ARV1: variants seen among roughly 807,000 people sequenced by gnomAD.
The protein encoded by ARV1 is protein ARV1.
A neutral mutation model predicts 31.1 loss-of-function variants in ARV1; 26 were observed. The observed-to-expected ratio is 0.84, with a 90% CI of 0.61 to 1.16. The LOEUF (loss-of-function observed/expected upper bound fraction) is 1.16, where lower values mean the gene tolerates loss of function less well. ARV1 is among the 50% of genes most tolerant of loss of function. ARV1 has a pLI of 0.00. For synonymous variants in ARV1, 117 were observed against 123.2 expected, an observed-to-expected ratio of 0.95 and a Z score of 0.34; for missense variants, 281 against 324.9, an observed-to-expected ratio of 0.86 and a Z score of 1.04.
chr1:230,993,327 C>T (rs994595140), intron 3 of ARV1, among the ~76,000 whole-genome samples: 1 of 152,146 alleles, frequency 6.6e-6, no homozygotes, highest in Non-Finnish European at 1.5e-5. Flanking sequence ...AACTCCTGGG[C>T]TCAAACAGTC....
At chr1:230,995,490 G>A (rs926105837) in intron 3 of ARV1, among the ~76,000 whole-genome samples, 1 of 151,552 alleles carries the variant, frequency 6.6e-6, no homozygotes, top group African/African-American at 2.4e-5. Context: ...GAAAGTTGAT[G>A]ATTACAATTC....
chr1:230,990,039 C>G, intron 2 of ARV1, 71 bp from the exon 3 acceptor site: 2 of 1,461,258 alleles, frequency 1.4e-6, no homozygotes, highest in South Asian at 2.8e-5. Flanking sequence ...GCCACAAATA[C>G]TCTGTACCTG....
At chr1:230,984,440 AG>A (rs1470161054) in intron 1 of ARV1, among the ~76,000 whole-genome samples, 1 of 150,670 alleles carries the variant, frequency 6.6e-6, no homozygotes, top group Non-Finnish European at 1.5e-5. Context: ...GCAGAGGGAA[AG>A]GAAGTTGCAA....
intron 1 of ARV1, among the ~76,000 whole-genome samples, chr1:230,981,657 C>T (rs1194520285): frequency 6.6e-6 from 1 of 152,194 alleles, no homozygotes; most frequent in East Asian, 1.9e-4. Context: ...CACACAGTAG[C>T]CAGGGACTGA....
At chr1:230,990,743 TTTTTTTGTTGA>T (rs771100048) in intron 3 of ARV1, 16 of 200,848 alleles carry the variant, frequency 8.0e-5, no homozygotes, top group Non-Finnish European at 5.4e-5. Flanking sequence ...AATTTTTGTA[TTTTTTTGTTGA>T]GATGGGGGGT....
intron 1 of ARV1, among the ~76,000 whole-genome samples, chr1:230,985,462 A>G (rs1373562111): frequency 6.6e-6 from 1 of 152,248 alleles, no homozygotes; most frequent in African/African-American, 2.4e-5. Context: ...TTCCTGGTCC[A>G]TAAAATGGCC....
chr1:230,997,752 A>G (rs1241332286), intron 5 of ARV1, among the ~76,000 whole-genome samples: 1 of 152,150 alleles, frequency 6.6e-6, no homozygotes, highest in East Asian at 1.9e-4. Flanking sequence ...GTACCTTGAC[A>G]TCCATCAGCC....
intron 1 of ARV1, among the ~76,000 whole-genome samples, chr1:230,983,307 G>A (rs1678963872): frequency 6.6e-6 from 1 of 151,680 alleles, no homozygotes. Flanking sequence ...AGCTACTCGG[G>A]AGGCTGAGGC....
At chr1:230,989,678 A>G (rs1679176337) in intron 2 of ARV1, among the ~76,000 whole-genome samples, 1 of 152,198 alleles carries the variant, frequency 6.6e-6, no homozygotes, top group Non-Finnish European at 1.5e-5. Flanking sequence ...GATTAAGTCT[A>G]TTCTCTTATT....
chr1:231,000,107 G>C (rs937016610), intron 5 of ARV1, 31 bp from the exon 6 acceptor site: 6 of 152,144 alleles, frequency 3.9e-5, no homozygotes, highest in African/African-American at 1.4e-4. Flanking sequence ...GCAGAATGTG[G>C]CATTCTAAAT....
chr1:230,996,170 A>G (rs1468608036), intron 4 of ARV1, among the ~76,000 whole-genome samples, 186 bp downstream of exon 4: 1 of 152,206 alleles, frequency 6.6e-6, no homozygotes, highest in East Asian at 1.9e-4. Context: ...ACATTTAACC[A>G]TATAGTACTT....
intron 1 of ARV1, among the ~76,000 whole-genome samples, chr1:230,987,130 G>A (rs1208848875): frequency 2.6e-5 from 4 of 152,072 alleles, no homozygotes; most frequent in Non-Finnish European, 5.9e-5. Context: ...TGAACCACAA[G>A]CACTGCAGTA....
chr1:230,991,939 A>G (rs546838521), intron 3 of ARV1, among the ~76,000 whole-genome samples: 2 of 151,978 alleles, frequency 1.3e-5, no homozygotes, highest in Non-Finnish European at 2.9e-5. Context: ...CACTTCTACT[A>G]TTATACTACT....
chr1:230,995,857 A>G lies in ARV1; in HGVS notation c.546A>G (p.Ala182=), dbSNP rs1679348508. Residue 182 remains alanine, a synonymous_variant, in exon 4 of 6, where the codon GCA becomes GCG. Coordinates refer to ENST00000310256, the MANE Select transcript of ARV1 (RefSeq NM_022786.3). ...KKPNFILLLK[A]LLLSSYGKLL... ...CCAACTTCATTTTGCTGCTGAAAGC[A>G]TTATTATTATCTAGCTACGGAAAAC... The G allele has an allele frequency of 6.8e-6, 11 of 1,613,988 alleles. No individual in the cohort carries two copies. Among genetic ancestry groups the G allele is most frequent in the Middle Eastern group, 1.6e-4 (1 of 6,084 alleles).
At chr1:230,982,677 T>C (rs918469840) in intron 1 of ARV1, among the ~76,000 whole-genome samples, 1 of 152,224 alleles carries the variant, frequency 6.6e-6, no homozygotes, top group African/African-American at 2.4e-5. Context: ...CTTGTCGCTA[T>C]CATGCTAATG....
chr1:230,979,301 G>A (rs1486138689), intron 1 of ARV1, 22 bp downstream of exon 1: 1 of 1,611,182 alleles, frequency 6.2e-7, no homozygotes, highest in African/African-American at 1.3e-5. Context: ...GGTGTGGGGT[G>A]CCCTTGAGAA....
rs1679187706 is a variant in ARV1 at position 230,990,102 on chromosome 1, A to C, written c.295-8A>C. The C allele has an allele frequency of 1.3e-6, 2 of 1,598,210 alleles. No individual in the cohort carries two copies. Among genetic ancestry groups the C allele is most frequent in the South Asian group, 2.3e-5 (2 of 88,180 alleles). Reference sequence around the variant, plus strand: ...ACCTAATTGAATGGCAATGTCTTTGACTATCAGATCCATGGAAAACTCTGC... The same window carrying C: ...ACCTAATTGAATGGCAATGTCTTTGCCTATCAGATCCATGGAAAACTCTGC... On this transcript the variant is annotated splice_region_variant and splice_polypyrimidine_tract_variant and intron_variant, in intron 2 of 5. Coordinates refer to ENST00000310256, the MANE Select transcript of ARV1 (RefSeq NM_022786.3).
Position 231,000,209 on chromosome 1 carries a change from A to G in ARV1, c.*76A>G, listed in dbSNP as rs1318089465. On this transcript the variant is annotated 3_prime_UTR_variant, in exon 6 of 6. Transcript: ENST00000310256. ...GAGAAAAGACATGAAATATAAACCAACCTCCTCATTTCTGTTGAGTAAAAT... is the reference window on the plus strand; with the variant it reads ...GAGAAAAGACATGAAATATAAACCAGCCTCCTCATTTCTGTTGAGTAAAAT... 1.3e-5 allele frequency: 2 copies of G among 152,256 alleles called. No individual in the cohort carries two copies. Among genetic ancestry groups the G allele is most frequent in the Non-Finnish European group, 2.9e-5 (2 of 68,052 alleles). 9.4% of individuals were successfully genotyped at this position (152,256 alleles called of 1,614,324 possible).
chr1:230,980,715 C>G (rs1226153201), intron 1 of ARV1, among the ~76,000 whole-genome samples: 2 of 150,548 alleles, frequency 1.3e-5, no homozygotes, highest in African/African-American at 4.9e-5. Context: ...CTTCTTCTGC[C>G]TTCTGCTGGA....
Sources: allele counts gnomAD v4.1 joint callset (sites outside exome capture counted in the v4.1 genomes callset), GRCh38; gene constraint gnomAD v4.1.1; transcripts MANE v1.5; gene names NCBI Gene and HGNC (gene_info 2026-07-23, HGNC 2026-07-21).